ABCA12: variants seen among roughly 807,000 people sequenced by gnomAD.
ABCA12 encodes the protein ATP binding cassette subfamily A member 12.
In ABCA12, 156 loss-of-function variants were observed where a neutral mutation model predicts 293.5. The ratio of observed to expected loss-of-function variants is 0.53; its 90% CI spans 0.47 to 0.61. The LOEUF is 0.61. Ranked by LOEUF, ABCA12 falls within the 20% of genes least tolerant of loss-of-function variation. ABCA12 has a pLI of 0.00. For missense variants in ABCA12, 2,797 were observed against 3,090.2 expected (o/e 0.91, Z 2.25); for synonymous variants, 1,063 against 1,108.0 (o/e 0.96, Z 0.81).
Position 214,978,953 on chromosome 2 carries a change from C to T in ABCA12, c.4828G>A (p.Glu1610Lys). 2.5e-6 allele frequency: 4 copies of T among 1,614,054 alleles called. No individual in the cohort carries two copies. The South Asian group carries it at 4.4e-5, about 18-fold the overall frequency. Residue 1610 changes from glutamate (E) to lysine (K), a missense_variant, in exon 32 of 53, where the codon GAG becomes AAG. This residue lies in a region of ABCA12 where 2,130 missense variants were observed against 2,427.0 expected (regional missense o/e 0.88). Transcript: ENST00000272895. ...QSHLPEAYLK[E>K]DIGGELVYVL... is the part of the protein sequence containing the mutation. ...TAAACAAGCTCTCCCCCAATATCCT[C>T]CTTGAGGTAGGCTTCGGGGAGATGT...
intron 50 of ABCA12, among the ~76,000 whole-genome samples, chr2:214,938,545 C>T (rs183953027): frequency 2.2e-3 from 328 of 152,306 alleles, no homozygotes; most frequent in Admixed American, 3.8e-3. Context: ...GCCACACTGT[C>T]TTCCACGATG....
intron 28 of ABCA12, among the ~76,000 whole-genome samples, chr2:214,986,226 G>A (rs1334238026): frequency 6.6e-6 from 1 of 152,150 alleles, no homozygotes; most frequent in Admixed American, 6.5e-5. Context: ...AGTTACTAAT[G>A]AGCCCCAATC....
In ABCA12 at chr2:214,949,041, C is replaced by T. The variant is rs760439616; in HGVS notation, c.6961G>A (p.Gly2321Arg). The T allele has an allele frequency of 1.4e-5, 22 of 1,610,252 alleles. No homozygotes were observed. The highest frequency in any genetic ancestry group is 5.4e-5 in the African/African-American group (4 of 74,726). The stretch of plus-strand genomic sequence containing the variant: ...AATTGAAGCATTAGTTTTTCATACC[C>T]GGTCTTATTTCTGATCAGAATGTTT... ...SGNILIRNKT[G>R]SLGHVDSHSS... Residue 2321 changes from glycine to arginine, a missense_variant and splice_region_variant, in exon 46 of 53, where the codon GGA (glycine) becomes AGA (arginine). By Grantham distance (125) the Gly-to-Arg change is moderately radical. Around this residue, in one of 3 missense-constraint regions of ABCA12, gnomAD observed 2,130 missense variants for 2,427.0 expected, o/e 0.88. Coordinates refer to ENST00000272895, the MANE Select transcript of ABCA12 (RefSeq NM_173076.3).
chr2:214,945,493 T>C (rs1385375441), intron 48 of ABCA12, among the ~76,000 whole-genome samples: 1 of 152,220 alleles, frequency 6.6e-6, no homozygotes, highest in Non-Finnish European at 1.5e-5. Context: ...AGTGATAATA[T>C]GCTATGTGAA....
intron 23 of ABCA12, among the ~76,000 whole-genome samples, chr2:214,997,391 G>C (rs540849444): frequency 6.6e-6 from 1 of 152,182 alleles, no homozygotes; most frequent in Non-Finnish European, 1.5e-5. Flanking sequence ...AACTTCCTCT[G>C]TTAGATCCTA....
At chr2:215,134,421 T>C (rs1048002314) in intron 1 of ABCA12, among the ~76,000 whole-genome samples, 3 of 143,354 alleles carry the variant, frequency 2.1e-5, no homozygotes, top group African/African-American at 5.3e-5. Context: ...TATATGTACA[T>C]ATATGTATAT....
intron 23 of ABCA12, among the ~76,000 whole-genome samples, chr2:214,992,405 T>C (rs1699931697): frequency 7.9e-6 from 1 of 126,332 alleles, no homozygotes; most frequent in Admixed American, 9.7e-5. Context: ...ATCACACCAC[T>C]GCACTCCAGC....
intron 31 of ABCA12, among the ~76,000 whole-genome samples, chr2:214,979,306 G>A (rs531395504): frequency 7.9e-5 from 12 of 152,020 alleles, no homozygotes; most frequent in East Asian, 7.8e-4. Context: ...TTGCTAGAGG[G>A]CTTTGGGTTC....
rs180998747 is a variant in ABCA12 at position 215,050,240 on chromosome 2, G to A, written c.508-429C>T. On this transcript the variant is annotated intron_variant, in intron 5 of 52. Coordinates refer to ENST00000272895, the MANE Select transcript of ABCA12 (RefSeq NM_173076.3). The stretch of plus-strand genomic sequence containing the variant: ...ATCTTTGGAAGATTTCCAACAGAAG[G>A]AGCTTCGAGGTCTATTCCTAGGATG... 5.7e-4 allele frequency among the ~76,000 whole-genome samples: 87 copies of A among 152,254 alleles called. 1 individual carries two copies. Among genetic ancestry groups the A allele is most frequent in the African/African-American group, 2.0e-3 (84 of 41,560 alleles).
chr2:215,102,486 C>A (rs1169881460), intron 2 of ABCA12, among the ~76,000 whole-genome samples: 3 of 152,172 alleles, frequency 2.0e-5, no homozygotes, highest in African/African-American at 7.2e-5. Flanking sequence ...GTAGTCCCAG[C>A]TGTTTGGGAG....
intron 8 of ABCA12, 139 bp from the exon 9 acceptor site, chr2:215,032,035 A>G: frequency 4.6e-6 from 7 of 1,531,814 alleles, no homozygotes; most frequent in Non-Finnish European, 5.2e-6. Flanking sequence ...AGAATTGTAT[A>G]AAAGACATCT....
Position 214,990,809 on chromosome 2 carries a change from T to C in ABCA12, c.3517A>G (p.Asn1173Asp), listed in dbSNP as rs1699894872. ...AGGCTTCCGATCAGAGCTGCAATGT[T>C]GGTGTTGTTGAAGAAGACACTGATA... ...YLISVFFNNT[N>D]IAALIGSLIY... Residue 1173 changes from asparagine (N) to aspartate (D), a missense_variant, in exon 24 of 53, where the codon AAC becomes GAC. Physicochemically the swap from Asn to Asp is conservative, Grantham distance 23 (BLOSUM62 1). Around this residue, in one of 3 missense-constraint regions of ABCA12, gnomAD observed 2,130 missense variants for 2,427.0 expected, o/e 0.88. Transcript: ENST00000272895. 1 of 1,614,162 alleles carries C rather than the reference T, an allele frequency of 6.2e-7. No individual in the cohort carries two copies.
intron 23 of ABCA12, among the ~76,000 whole-genome samples, chr2:214,991,691 T>C (rs1699915371): frequency 6.6e-6 from 1 of 152,224 alleles, no homozygotes; most frequent in African/African-American, 2.4e-5. Context: ...ACATTCATAA[T>C]AAACTCATGT....
intron 1 of ABCA12, among the ~76,000 whole-genome samples, chr2:215,120,106 A>T (rs1222764758): frequency 6.6e-6 from 1 of 152,212 alleles, no homozygotes; most frequent in Non-Finnish European, 1.5e-5. Flanking sequence ...AAATCATGTA[A>T]TCATGTCCTT....
chr2:215,125,902 C>G (rs529993025), intron 1 of ABCA12, among the ~76,000 whole-genome samples: 30 of 152,206 alleles, frequency 2.0e-4, no homozygotes, highest in Middle Eastern at 6.8e-3. Flanking sequence ...TTCAACTTTT[C>G]CCCATTCAGT....
Position 215,015,563 on chromosome 2 carries a change from T to C in ABCA12, c.1883A>G (p.Glu628Gly). ...GATGAGGTAAGACTGCCGGGATCTC[T>C]CTGAAAGAGACAGGTTGCAGAATTC... ...MKEFCNLSLSERSRQSYLIGL... is the reference protein window; with the variant it reads ...MKEFCNLSLSGRSRQSYLIGL... Residue 628 changes from glutamate to glycine, a missense_variant, in exon 15 of 53, where the codon GAG (glutamate) becomes GGG (glycine). Physicochemically the swap from Glu to Gly is moderately conservative, Grantham distance 98. Coordinates refer to ENST00000272895, the MANE Select transcript of ABCA12 (RefSeq NM_173076.3). The C allele has an allele frequency of 6.2e-7, 1 of 1,614,156 alleles. No individual in the cohort carries two copies. The highest frequency in any genetic ancestry group is 8.5e-7 in the Non-Finnish European group (1 of 1,180,006).
At chr2:214,945,633 A>T (rs1172106828) in intron 48 of ABCA12, among the ~76,000 whole-genome samples, 1 of 152,224 alleles carries the variant, frequency 6.6e-6, no homozygotes, top group Non-Finnish European at 1.5e-5. Context: ...AAGTAGAAAG[A>T]TGTACGTTAT....
chr2:214,972,513 C>T (rs1301490658), intron 36 of ABCA12, among the ~76,000 whole-genome samples: 5 of 151,998 alleles, frequency 3.3e-5, no homozygotes, highest in South Asian at 2.1e-4. Context: ...CTCAAGCCAT[C>T]GTCCCACTTC....
chr2:215,000,641 G>A, intron 22 of ABCA12, 64 bp downstream of exon 22: 1 of 1,572,468 alleles, frequency 6.4e-7, no homozygotes. Flanking sequence ...CTGAATGAAT[G>A]GACTGAAGTG....
Sources: allele counts gnomAD v4.1 joint callset (sites outside exome capture counted in the v4.1 genomes callset), GRCh38; gene constraint gnomAD v4.1.1; regional missense constraint gnomAD v4.1.1; transcripts MANE v1.5; gene names NCBI Gene and HGNC (gene_info 2026-07-23, HGNC 2026-07-21).